KCNH7: variants seen among roughly 807,000 people sequenced by gnomAD.
KCNH7 encodes the protein voltage-gated inwardly rectifying potassium channel KCNH7.
A neutral mutation model predicts 120.8 loss-of-function variants in KCNH7; 49 were observed. The ratio of observed to expected loss-of-function variants is 0.41; its 90% CI spans 0.32 to 0.51. KCNH7 has a LOEUF of 0.51. Among genes scored for constraint, KCNH7 ranks in the 20% least tolerant of loss-of-function variants. The pLI, the probability that KCNH7 is intolerant of heterozygous loss-of-function variation, is 0.38. For missense variants in KCNH7, 1,097 were observed against 1,446.6 expected (o/e 0.76, Z 3.92); for synonymous variants, 547 against 516.1 (o/e 1.06, Z -0.81).
intron 2 of KCNH7, among the ~76,000 whole-genome samples, chr2:162,565,107 C>A (rs1693207964): frequency 6.6e-6 from 1 of 152,100 alleles, no homozygotes; most frequent in Admixed American, 6.6e-5. Flanking sequence ...ATATGTCTAT[C>A]TGCTGGGCTG....
intron 2 of KCNH7, among the ~76,000 whole-genome samples, chr2:162,614,454 T>G (rs1169136594): frequency 1.3e-5 from 2 of 151,570 alleles, no homozygotes; most frequent in Non-Finnish European, 2.9e-5. Context: ...GTAAACAAAA[T>G]GAAACAAAAC....
intron 6 of KCNH7, among the ~76,000 whole-genome samples, chr2:162,479,673 ATGTGTGTG>A (rs71009359): frequency 4.1e-5 from 6 of 145,180 alleles, no homozygotes; most frequent in East Asian, 2.0e-4. Context: ...GTGTGTGTGC[ATGTGTGTG>A]TGTGTGTGTG....
At chr2:162,590,875 C>T (rs1441775842) in intron 2 of KCNH7, among the ~76,000 whole-genome samples, 1 of 152,112 alleles carries the variant, frequency 6.6e-6, no homozygotes, top group African/African-American at 2.4e-5. Context: ...TCATTAATGT[C>T]CTCCAAGGGC....
intron 2 of KCNH7, among the ~76,000 whole-genome samples, chr2:162,669,579 A>T (rs1437515583): frequency 6.6e-6 from 1 of 152,212 alleles, no homozygotes; most frequent in Non-Finnish European, 1.5e-5. Context: ...TGGTTCCCAA[A>T]TGGGAGTAAT....
chr2:162,513,557 C>G (rs958691002), intron 4 of KCNH7, among the ~76,000 whole-genome samples: 3 of 149,374 alleles, frequency 2.0e-5, no homozygotes, highest in Non-Finnish European at 3.0e-5. Context: ...GGCTATATCT[C>G]TCTGGATGGA....
In KCNH7 at chr2:162,616,580, C is replaced by T. The variant is rs1365608025; in HGVS notation, c.308-79500G>A. On this transcript the variant is annotated intron_variant, in intron 2 of 15. Coordinates refer to ENST00000332142, the MANE Select transcript of KCNH7 (RefSeq NM_033272.4). ...AAATTCCCTTCCAGTTTTCCTGCAC[C>T]GTCAACTGTCCTACACTCTTTGTCC... is the stretch of plus-strand genomic sequence containing the variant. Among the ~76,000 whole-genome samples, 4 of 152,010 alleles carry T rather than the reference C, an allele frequency of 2.6e-5. 1 individual carries two copies. In the South Asian group the frequency reaches 6.2e-4, roughly 24 times the overall value.
chr2:162,463,766 C>G (rs1329386656), intron 6 of KCNH7, among the ~76,000 whole-genome samples: 1 of 150,076 alleles, frequency 6.7e-6, no homozygotes, highest in Non-Finnish European at 1.5e-5. Context: ...CTAAGAATCT[C>G]TCTTCCATGT....
At chr2:162,489,650 T>C (rs1690224779) in intron 6 of KCNH7, among the ~76,000 whole-genome samples, 1 of 152,256 alleles carries the variant, frequency 6.6e-6, no homozygotes, top group African/African-American at 2.4e-5. Context: ...ATTTGACTTA[T>C]ATTTAGCAAA....
intron 2 of KCNH7, among the ~76,000 whole-genome samples, chr2:162,780,760 T>C (rs961238702): frequency 6.6e-6 from 1 of 152,192 alleles, no homozygotes; most frequent in Non-Finnish European, 1.5e-5. Flanking sequence ...GGATAGAATG[T>C]ACTTATAAGT....
chr2:162,558,799 T>G (rs79182542), intron 2 of KCNH7, among the ~76,000 whole-genome samples: 2,331 of 151,424 alleles, frequency 0.015, 61 homozygotes, highest in African/African-American at 0.053. Context: ...GACAATATGG[T>G]CACGCCTGTA....
chr2:162,520,688 G>T (rs1691491817), intron 3 of KCNH7, among the ~76,000 whole-genome samples: 1 of 151,866 alleles, frequency 6.6e-6, no homozygotes, highest in Non-Finnish European at 1.5e-5. Flanking sequence ...AGGATAGATT[G>T]AGCCTATGAG....
intron 2 of KCNH7, among the ~76,000 whole-genome samples, chr2:162,722,833 C>CTTTTTTTTTTTTTTTTTTTTTTTTTTTTT (rs1687374336): frequency 9.0e-5 from 4 of 44,504 alleles, no homozygotes; most frequent in African/African-American, 1.6e-4. Flanking sequence ...TTTTTTTTTG[C>CTTTTTTTTTTTTTTTTTTTTTTTTTTTTT]TTCTCTGAGT....
rs570617451 is a variant in KCNH7 at position 162,561,940 on chromosome 2, G to T, written c.308-24860C>A. 2.0e-3 allele frequency among the ~76,000 whole-genome samples: 304 copies of T among 152,220 alleles called. 2 individuals are homozygous for T. The highest frequency in any genetic ancestry group is 6.9e-3 in the African/African-American group (288 of 41,538). On this transcript the variant is annotated intron_variant, in intron 2 of 15. Coordinates refer to ENST00000332142, the MANE Select transcript of KCNH7 (RefSeq NM_033272.4). ...ATGGATGACACTGGAAACCATCCTTGTCAGCAAACTAACACAAGAACAGAA... is the reference window on the plus strand; with the variant it reads ...ATGGATGACACTGGAAACCATCCTTTTCAGCAAACTAACACAAGAACAGAA...
rs2105369600 is a variant in KCNH7, at chr2:162,718,503, T to C, written c.307+118034A>G. ...CATTTAAAGCCCACTGTAGAGAACA[T>C]GGTATGAACAAAGCAGAGCTTATAC... On this transcript the variant is annotated intron_variant, in intron 2 of 15. Coordinates refer to ENST00000332142, the MANE Select transcript of KCNH7 (RefSeq NM_033272.4). Among the ~76,000 whole-genome samples, 2 of 152,090 alleles carry C rather than the reference T, an allele frequency of 1.3e-5. 1 individual carries two copies.
At chr2:162,479,827 T>C (rs58790118) in intron 6 of KCNH7, among the ~76,000 whole-genome samples, 31,417 of 151,932 alleles carry the variant, frequency 0.21, 6,135 homozygotes, top group African/African-American at 0.51. Context: ...TCCTAATGCC[T>C]TTTTTTAGTT....
chr2:162,583,910 TG>T (rs768872094), intron 2 of KCNH7, among the ~76,000 whole-genome samples: 1 of 152,088 alleles, frequency 6.6e-6, no homozygotes, highest in Admixed American at 6.6e-5. Context: ...CTAAAAACAT[TG>T]GGGCAAGATC....
chr2:162,715,146 A>G (rs1024683804), intron 2 of KCNH7, among the ~76,000 whole-genome samples: 2 of 152,198 alleles, frequency 1.3e-5, no homozygotes, highest in Non-Finnish European at 2.9e-5. Context: ...TTTATTTTAA[A>G]AAAGAGGCTT....
intron 2 of KCNH7, among the ~76,000 whole-genome samples, chr2:162,563,040 T>C (rs1693128536): frequency 6.6e-6 from 1 of 151,884 alleles, no homozygotes; most frequent in East Asian, 2.0e-4. Context: ...TCACTTTTCA[T>C]AGGGTAATTA....
At chr2:162,547,667 T>C (rs1050818095) in intron 2 of KCNH7, among the ~76,000 whole-genome samples, 5 of 152,174 alleles carry the variant, frequency 3.3e-5, no homozygotes, top group African/African-American at 9.7e-5. Context: ...GGCTAGTCTG[T>C]AGGAGAATCA....
Sources: gnomAD v4.1 joint callset for allele counts (sites outside exome capture counted in the v4.1 genomes callset) on GRCh38, gnomAD v4.1.1 for gene constraint, MANE v1.5 for transcripts, NCBI Gene and HGNC (gene_info 2026-07-23, HGNC 2026-07-21) for gene names.